SULT1B1: variants seen among roughly 807,000 people sequenced by gnomAD.
SULT1B1 encodes the protein sulfotransferase 1B1.
In SULT1B1, 28 loss-of-function variants were observed where a neutral mutation model predicts 34.6. That is an observed-to-expected ratio of 0.81 (90% CI 0.60 to 1.11). The LOEUF (loss-of-function observed/expected upper bound fraction) is 1.11, where lower values mean the gene tolerates loss of function less well. Among genes scored for constraint, SULT1B1 ranks in the 50% least tolerant of loss-of-function variants. The pLI, the probability that SULT1B1 is intolerant of heterozygous loss-of-function variation, is 0.00. For synonymous variants in SULT1B1, 147 were observed against 110.2 expected (o/e 1.33, Z -2.09); for missense variants, 374 against 352.2 (o/e 1.06, Z -0.50).
At chr4:69,728,590 T>C (rs914344519) in intron 7 of SULT1B1, among the ~76,000 whole-genome samples, 1 of 151,570 alleles carries the variant, frequency 6.6e-6, no homozygotes, top group Admixed American at 6.6e-5. Context: ...TTTTTCTATA[T>C]GCAAATTAAC....
At chr4:69,752,714 C>T (rs775988597) in intron 3 of SULT1B1, among the ~76,000 whole-genome samples, 5 of 152,204 alleles carry the variant, frequency 3.3e-5, no homozygotes, top group Admixed American at 6.5e-5. Context: ...TCTCTGCCTA[C>T]GGAAGTAACT....
At chr4:69,739,166 C>G (rs13130310) in intron 4 of SULT1B1, among the ~76,000 whole-genome samples, 44,820 of 152,012 alleles carry the variant, frequency 0.29, 7,699 homozygotes, top group South Asian at 0.45. Context: ...ATTCTAGGGT[C>G]TGGGGGATGG....
In SULT1B1 at chr4:69,721,761, G is replaced by A. The variant is rs574132942; in HGVS notation, c.*5327C>T. 2.6e-5 allele frequency: 4 copies of A among 152,246 alleles called. No individual in the cohort carries two copies. The highest frequency in any genetic ancestry group is 2.1e-4 in the South Asian group (1 of 4,828). 9.4% of individuals were successfully genotyped at this position (152,246 alleles called of 1,614,324 possible). A position where few individuals can be genotyped will look rare whatever the true frequency, so the allele number is the denominator to read the frequency against. ...ATGATGAAAAGTTCTTGTAAGCAAT[G>A]CTTTGGCTTTTTAGAAAATAGCCCT... is the stretch of plus-strand genomic sequence containing the variant. On this transcript the variant is annotated 3_prime_UTR_variant, in exon 8 of 8. Coordinates refer to ENST00000310613, the MANE Select transcript of SULT1B1 (RefSeq NM_014465.4).
chr4:69,757,676 T>G (rs1050806950), intron 1 of SULT1B1, among the ~76,000 whole-genome samples: 1 of 152,230 alleles, frequency 6.6e-6, no homozygotes, highest in Non-Finnish European at 1.5e-5. Flanking sequence ...AACATATTTT[T>G]ATATGTTATC....
At chr4:69,751,093 A>T (rs1022707928) in intron 3 of SULT1B1, among the ~76,000 whole-genome samples, 76 of 152,220 alleles carry the variant, frequency 5.0e-4, no homozygotes, top group Non-Finnish European at 5.9e-5. Flanking sequence ...TTTATTTGCC[A>T]ATATAAATGA....
In SULT1B1 at chr4:69,758,503, T is replaced by C. The variant is rs1170793139; in HGVS notation, c.-45+1956A>G. 7.1e-6 allele frequency: 7 copies of C among 982,454 alleles called. No individual in the cohort carries two copies. The African/African-American group carries it at 1.2e-4, about 17-fold the overall frequency. The allele number at this position is 982,454 out of a possible 1,614,324, so 60.9% of individuals were successfully genotyped here. A position where few individuals can be genotyped will look rare whatever the true frequency, so the allele number is the denominator to read the frequency against. ...TTCCCAAATTATCTAAAGGGAAATA[T>C]CAATGGCACACCTCATTTCAAAAAT... On this transcript the variant is annotated intron_variant, in intron 1 of 7. Transcript: ENST00000310613.
chr4:69,754,764 A>G lies in SULT1B1; in HGVS notation c.183T>C (p.Ile61=). ...TTWVSEIIDM[I]LNDGDIEKCK... ...ATTTTTCAATATCTCCATCATTTAG[A>G]ATCATGTCTATAATTTCACTAACCC... The change falls in exon 3 of 8, where the codon ATT becomes ATC. Residue 61 remains isoleucine (I), a synonymous_variant. Coordinates refer to ENST00000310613, the MANE Select transcript of SULT1B1 (RefSeq NM_014465.4). The G allele has an allele frequency of 6.2e-7, 1 of 1,613,064 alleles. No homozygotes were observed. Among genetic ancestry groups the G allele is most frequent in the Non-Finnish European group, 8.5e-7 (1 of 1,179,460 alleles).
rs1560517108 is a variant in SULT1B1, at chr4:69,725,021, G to A, written c.*2067C>T. ...GCAACAAAAGCCAAAATTGACAAATGGGATCTAATTAAACTAAAGAGCTTC... is the reference window on the plus strand; with the variant it reads ...GCAACAAAAGCCAAAATTGACAAATAGGATCTAATTAAACTAAAGAGCTTC... On this transcript the variant is annotated 3_prime_UTR_variant, in exon 8 of 8. Transcript: ENST00000310613. 6.6e-6 allele frequency: 1 copy of A among 152,002 alleles called. No homozygotes were observed. Among genetic ancestry groups the A allele is most frequent in the Non-Finnish European group, 1.5e-5 (1 of 68,022 alleles). The allele number at this position is 152,002 out of a possible 1,614,324, so 9.4% of individuals were successfully genotyped here.
At chr4:69,738,633 T>C (rs7434770) in intron 4 of SULT1B1, among the ~76,000 whole-genome samples, 92,929 of 151,790 alleles carry the variant, frequency 0.61, 28,582 homozygotes, top group East Asian at 0.72. Context: ...AACACAGAGC[T>C]AAGCCATATC....
intron 2 of SULT1B1, 58 bp downstream of exon 2, chr4:69,755,012 G>T: frequency 7.0e-7 from 1 of 1,435,540 alleles, no homozygotes; most frequent in South Asian, 1.2e-5. Flanking sequence ...TGGACAAGTT[G>T]ATTTCCAGGA....
chr4:69,735,727 TGTTAA>T (rs1056443231), intron 4 of SULT1B1, among the ~76,000 whole-genome samples: 3 of 152,152 alleles, frequency 2.0e-5, no homozygotes, highest in African/African-American at 4.8e-5. Context: ...ATGAATCAAA[TGTTAA>T]GTTATCTGAC....
At chr4:69,750,452 G>T (rs1718937129) in intron 3 of SULT1B1, among the ~76,000 whole-genome samples, 1 of 152,046 alleles carries the variant, frequency 6.6e-6, no homozygotes, top group African/African-American at 2.4e-5. Context: ...AAGGTCTTAA[G>T]ATAGATGATA....
In SULT1B1 at chr4:69,724,608, C is replaced by G. The variant is rs1326746539; in HGVS notation, c.*2480G>C. ...AGCAAAGCTGGAAGCATCATACTAC[C>G]TGACTTCAAACTATACTACAAGGCT... On this transcript the variant is annotated 3_prime_UTR_variant, in exon 8 of 8. Transcript: ENST00000310613. 1.3e-5 allele frequency: 2 copies of G among 152,254 alleles called. No individual in the cohort carries two copies. The highest frequency in any genetic ancestry group is 1.3e-4 in the Admixed American group (2 of 15,274). The allele number at this position is 152,254 out of a possible 1,614,324, so 9.4% of individuals were successfully genotyped here.
intron 3 of SULT1B1, among the ~76,000 whole-genome samples, chr4:69,750,679 T>C (rs1474361542): frequency 6.6e-6 from 1 of 152,230 alleles, no homozygotes; most frequent in Non-Finnish European, 1.5e-5. Flanking sequence ...GCCTATTACA[T>C]TTTTCTCTTA....
chr4:69,750,753 C>T (rs905343472), intron 3 of SULT1B1, among the ~76,000 whole-genome samples: 1 of 152,098 alleles, frequency 6.6e-6, no homozygotes, highest in Non-Finnish European at 1.5e-5. Context: ...TACTGTATGT[C>T]CCCATGTCCC....
chr4:69,749,912 G>A, intron 3 of SULT1B1, 94 bp from the exon 4 acceptor site: 2 of 870,944 alleles, frequency 2.3e-6, no homozygotes, highest in Non-Finnish European at 3.8e-6. Context: ...ACATTTTTGA[G>A]CATTATGTAA....
At position 69,730,484 on chromosome 4, in the gene SULT1B1, C is replaced by G; in HGVS notation, c.778+17G>C. The G allele has an allele frequency of 1.3e-6, 2 of 1,580,498 alleles. No homozygotes were observed. The highest frequency in any genetic ancestry group is 1.7e-6 in the Non-Finnish European group (2 of 1,155,416). On this transcript the variant is annotated intron_variant, in intron 7 of 7. Coordinates refer to ENST00000310613, the MANE Select transcript of SULT1B1 (RefSeq NM_014465.4). Reference sequence around the variant, plus strand: ...AAGAAAGTACGAAAGGGAAATTAAACCCAGCAAAGTATTTACCTTTACGCA... The same window carrying G: ...AAGAAAGTACGAAAGGGAAATTAAAGCCAGCAAAGTATTTACCTTTACGCA...
At chr4:69,749,886 C>A in intron 3 of SULT1B1, 68 bp from the exon 4 acceptor site, 2 of 1,211,296 alleles carry the variant, frequency 1.7e-6, no homozygotes, top group Non-Finnish European at 2.4e-6. Flanking sequence ...CTTATTTTGC[C>A]AACCAGTTTT....
chr4:69,731,136 TC>T (rs1370330178), intron 6 of SULT1B1, among the ~76,000 whole-genome samples: 1 of 152,168 alleles, frequency 6.6e-6, no homozygotes, highest in Non-Finnish European at 1.5e-5. Context: ...TGGCTTCAGA[TC>T]AGTACCAATC....
Sources: allele counts gnomAD v4.1 joint callset (sites outside exome capture counted in the v4.1 genomes callset), GRCh38; gene constraint gnomAD v4.1.1; transcripts MANE v1.5; gene names NCBI Gene and HGNC (gene_info 2026-07-23, HGNC 2026-07-21).